TBC1D5: variants seen among roughly 807,000 people sequenced by gnomAD.
The protein encoded by TBC1D5 is TBC1 domain family, member 5.
TBC1D5 carries 75 observed loss-of-function variants against 100.3 expected under a neutral mutation model. The ratio of observed to expected loss-of-function variants is 0.75; its 90% CI spans 0.62 to 0.91. The LOEUF (loss-of-function observed/expected upper bound fraction) is 0.91. Among genes scored for constraint, TBC1D5 ranks in the 40% least tolerant of loss-of-function variants. The pLI, the probability that TBC1D5 is intolerant of heterozygous loss-of-function variation, is 0.00. For synonymous variants in TBC1D5, 323 were observed against 325.6 expected (o/e 0.99, Z 0.09); for missense variants, 910 against 942.4 (o/e 0.97, Z 0.45).
exon 22 of TBC1D5, chr3:17,159,267 CCT>C (rs551201386): frequency 6.6e-6 from 1 of 152,192 alleles, no homozygotes; most frequent in Non-Finnish European, 1.5e-5. Flanking sequence ...CAATTAGAAC[CCT>C]CTCTACAGTA....
At chr3:17,654,524 T>C (rs1349733566) in intron 1 of TBC1D5, among the ~76,000 whole-genome samples, 1 of 152,156 alleles carries the variant, frequency 6.6e-6, no homozygotes, top group Non-Finnish European at 1.5e-5. Flanking sequence ...TTGATCATGG[T>C]GGATAAGCTT....
chr3:17,292,006 A>G lies in TBC1D5; in HGVS notation c.1139-5T>C, dbSNP rs750203962. On this transcript the variant is annotated splice_region_variant and splice_polypyrimidine_tract_variant and intron_variant, in intron 14 of 21. Transcript: ENST00000253692. ...TCTGGTAGTTACTAGAGATCACTAAATAAGAAGAAAAAATAATTCAGATGC... is the reference window on the plus strand; with the variant it reads ...TCTGGTAGTTACTAGAGATCACTAAGTAAGAAGAAAAAATAATTCAGATGC... 1 of 1,608,342 alleles carries G rather than the reference A, an allele frequency of 6.2e-7. No homozygotes were observed. Among genetic ancestry groups the G allele is most frequent in the South Asian group, 1.1e-5 (1 of 90,534 alleles).
intron 1 of TBC1D5, among the ~76,000 whole-genome samples, chr3:17,628,927 G>A (rs529904993): frequency 1.3e-5 from 2 of 152,128 alleles, no homozygotes; most frequent in South Asian, 2.1e-4. Flanking sequence ...TGTGTCTGCC[G>A]CCTACATTTT....
At chr3:17,161,082 C>G in exon 22 of TBC1D5, 1 of 1,614,148 alleles carries the variant, frequency 6.2e-7, no homozygotes, top group Admixed American at 1.7e-5. Context: ...TCTGAGAACA[C>G]CAGTGGGGAG....
At chr3:17,686,728 C>A (rs2070336671) in intron 1 of TBC1D5, among the ~76,000 whole-genome samples, 1 of 152,120 alleles carries the variant, frequency 6.6e-6, no homozygotes, top group South Asian at 2.1e-4. Flanking sequence ...ATTGTTAAAG[C>A]ATGGGTTCTC....
chr3:17,370,345 A>T (rs1276661391), intron 13 of TBC1D5, among the ~76,000 whole-genome samples: 2 of 152,200 alleles, frequency 1.3e-5, no homozygotes, highest in Non-Finnish European at 2.9e-5. Flanking sequence ...TGAGGGTGTA[A>T]AATGTGCTTT....
chr3:17,577,114 A>T (rs1296790752), intron 2 of TBC1D5, among the ~76,000 whole-genome samples: 13 of 151,966 alleles, frequency 8.6e-5, no homozygotes, highest in Admixed American at 8.5e-4. Flanking sequence ...ACCCATTGAA[A>T]GTGGGGGTGG....
intron 1 of TBC1D5, among the ~76,000 whole-genome samples, chr3:17,685,821 C>T (rs911954670): frequency 2.0e-5 from 3 of 152,068 alleles, no homozygotes; most frequent in Non-Finnish European, 4.4e-5. Context: ...TATAATAATG[C>T]TACAGCCTTT....
chr3:17,551,149 C>T (rs990229841), intron 2 of TBC1D5, among the ~76,000 whole-genome samples: 6 of 152,242 alleles, frequency 3.9e-5, no homozygotes, highest in African/African-American at 1.2e-4. Context: ...CATGGCTACA[C>T]CATTGCTTTG....
intron 2 of TBC1D5, among the ~76,000 whole-genome samples, chr3:17,592,703 G>A (rs2060309007): frequency 6.6e-6 from 1 of 152,218 alleles, no homozygotes; most frequent in African/African-American, 2.4e-5. Flanking sequence ...TGGGCCATAT[G>A]ACCCAGCAGA....
intron 13 of TBC1D5, among the ~76,000 whole-genome samples, chr3:17,325,587 G>A (rs2085997136): frequency 6.6e-6 from 1 of 152,164 alleles, no homozygotes; most frequent in Non-Finnish European, 1.5e-5. Context: ...CTCCCAAAGT[G>A]CTGGGATTAC....
At chr3:17,368,522 T>C (rs1298240331) in intron 13 of TBC1D5, among the ~76,000 whole-genome samples, 1 of 152,084 alleles carries the variant, frequency 6.6e-6, no homozygotes, top group Non-Finnish European at 1.5e-5. Flanking sequence ...GGACTCTACA[T>C]GGGGCTTAAT....
At chr3:17,342,009 C>T (rs2089044379) in intron 13 of TBC1D5, among the ~76,000 whole-genome samples, 1 of 152,170 alleles carries the variant, frequency 6.6e-6, no homozygotes. Flanking sequence ...AATAGATGCT[C>T]CATCAGCTTT....
chr3:17,415,319 G>A (rs1360652768), intron 4 of TBC1D5, among the ~76,000 whole-genome samples: 1 of 151,764 alleles, frequency 6.6e-6, no homozygotes, highest in African/African-American at 2.4e-5. Flanking sequence ...CACCACGCCC[G>A]GCGAAATTTT....
At chr3:17,664,258 G>A (rs2066984864) in intron 1 of TBC1D5, among the ~76,000 whole-genome samples, 2 of 152,046 alleles carry the variant, frequency 1.3e-5, no homozygotes, top group South Asian at 4.1e-4. Context: ...TTTTAATAGA[G>A]ACGGGGTTTC....
chr3:17,490,286 T>C (rs941621879), intron 3 of TBC1D5, among the ~76,000 whole-genome samples: 5 of 152,174 alleles, frequency 3.3e-5, no homozygotes, highest in Admixed American at 6.5e-5. Flanking sequence ...TCTCCCATAC[T>C]GTAGGCTGCG....
intron 1 of TBC1D5, among the ~76,000 whole-genome samples, chr3:17,720,308 T>C (rs957094430): frequency 6.6e-6 from 1 of 152,188 alleles, no homozygotes; most frequent in African/African-American, 2.4e-5. Flanking sequence ...TAAAATGATA[T>C]CAAGTTTCAA....
At chr3:17,332,020 C>G (rs2086936771) in intron 13 of TBC1D5, among the ~76,000 whole-genome samples, 1 of 152,150 alleles carries the variant, frequency 6.6e-6, no homozygotes, top group Non-Finnish European at 1.5e-5. Context: ...GAGCAAGAAA[C>G]TGTTATAATT....
chr3:17,411,788 G>A (rs1419602145), intron 4 of TBC1D5, among the ~76,000 whole-genome samples: 1 of 152,106 alleles, frequency 6.6e-6, no homozygotes, highest in African/African-American at 2.4e-5. Flanking sequence ...TGATTACGGT[G>A]TTGGTATAGG....
Sources: gnomAD v4.1 joint callset for allele counts (sites outside exome capture counted in the v4.1 genomes callset) on GRCh38, gnomAD v4.1.1 for gene constraint, MANE v1.5 for transcripts, NCBI Gene and HGNC (gene_info 2026-07-23, HGNC 2026-07-21) for gene names.